The following NKAIN3 variants were observed in gnomAD, a reference collection of about 807,000 sequenced individuals.
The protein encoded by NKAIN3 is sodium/potassium transporting ATPase interacting 3.
Under a neutral mutation model 30.2 loss-of-function variants are expected in NKAIN3, and 25 were observed. That is an observed-to-expected ratio of 0.83 (90% CI 0.60 to 1.16). The LOEUF (loss-of-function observed/expected upper bound fraction) is 1.16. NKAIN3 is among the 50% of genes most tolerant of loss of function. The probability of loss-of-function intolerance (pLI) is 0.00; values close to 1 mark genes in which losing one functional copy is unlikely to be tolerated. For missense variants in NKAIN3, 225 were observed against 254.1 expected (o/e 0.89, Z 0.78); for synonymous variants, 91 against 89.6 (o/e 1.02, Z -0.09).
intron 1 of NKAIN3, among the ~76,000 whole-genome samples, chr8:62,287,420 T>C (rs1194987466): frequency 6.6e-6 from 1 of 152,056 alleles, no homozygotes; most frequent in Non-Finnish European, 1.5e-5. Flanking sequence ...CACAACAATC[T>C]CTGAGCTTCA....
rs539177247 is a variant in NKAIN3 at position 62,335,335 on chromosome 8, A to G, written c.54+86208A>G. Among the ~76,000 whole-genome samples, 6 of 150,832 alleles carry G rather than the reference A, an allele frequency of 4.0e-5. No individual in the cohort carries two copies. The East Asian group carries it at 1.2e-3, about 30-fold the overall frequency. On this transcript the variant is annotated intron_variant, in intron 1 of 6. Coordinates refer to ENST00000623646, the MANE Select transcript of NKAIN3 (RefSeq NM_001304533.3). ...CAGCTACTTGGGAGGCTGAGATGAG[A>G]GAACTGCTTGAACTCGGGAGGTGGA...
chr8:62,584,404 G>A (rs369832603), intron 2 of NKAIN3, among the ~76,000 whole-genome samples: 1 of 152,152 alleles, frequency 6.6e-6, no homozygotes, highest in Non-Finnish European at 1.5e-5. Context: ...CAAGAGACAG[G>A]GTTCATCACA....
intron 1 of NKAIN3, among the ~76,000 whole-genome samples, chr8:62,542,260 T>C (rs1808868220): frequency 6.6e-6 from 1 of 152,202 alleles, no homozygotes. Flanking sequence ...TTGCCTACTC[T>C]AAATTCTTTC....
intron 1 of NKAIN3, among the ~76,000 whole-genome samples, chr8:62,377,188 C>A (rs2129593710): frequency 6.6e-6 from 1 of 152,194 alleles, no homozygotes; most frequent in African/African-American, 2.4e-5. Flanking sequence ...ATGTTGATTG[C>A]TCAAAATTAT....
At chr8:62,805,590 G>C (rs1818248725) in intron 4 of NKAIN3, among the ~76,000 whole-genome samples, 2 of 152,094 alleles carry the variant, frequency 1.3e-5, no homozygotes, top group South Asian at 2.1e-4. Context: ...GGGAAAACTG[G>C]CTAGCCATAT....
intron 1 of NKAIN3, among the ~76,000 whole-genome samples, chr8:62,415,243 T>C (rs957100336): frequency 7.0e-6 from 1 of 143,136 alleles, no homozygotes; most frequent in African/African-American, 2.6e-5. Flanking sequence ...TATAGTATAT[T>C]ATATATAATA....
intron 3 of NKAIN3, among the ~76,000 whole-genome samples, chr8:62,710,387 A>C (rs1814675963): frequency 6.6e-6 from 1 of 152,146 alleles, no homozygotes; most frequent in South Asian, 2.1e-4. Context: ...ATTGTTTTAC[A>C]AATTTGGGAA....
At chr8:62,838,283 TTCA>T (rs1448953130) in intron 4 of NKAIN3, among the ~76,000 whole-genome samples, 1 of 151,770 alleles carries the variant, frequency 6.6e-6, no homozygotes, top group Non-Finnish European at 1.5e-5. Context: ...TCTAATTATT[TTCA>T]TCATCAGAGG....
intron 4 of NKAIN3, among the ~76,000 whole-genome samples, chr8:62,851,324 T>C (rs1404028764): frequency 1.3e-5 from 2 of 152,218 alleles, no homozygotes; most frequent in African/African-American, 4.8e-5. Context: ...GAGACTTTGC[T>C]GAAGTTGCCT....
intron 1 of NKAIN3, among the ~76,000 whole-genome samples, chr8:62,433,676 C>T (rs779865230): frequency 5.3e-5 from 8 of 151,874 alleles, no homozygotes; most frequent in Admixed American, 2.0e-4. Context: ...AGGTTTTTGC[C>T]GTTGCTTTTA....
chr8:62,960,268 C>T lies in NKAIN3; in HGVS notation c.604-5086C>T, dbSNP rs1823533492. 2.6e-5 allele frequency among the ~76,000 whole-genome samples: 4 copies of T among 152,282 alleles called. No homozygotes were observed. In the South Asian group the frequency reaches 8.3e-4, roughly 32 times the overall value. ...GTCACGTGTCAAAGGAAACACAGATCATTTCCTTTGACATGTGACTTCACT... is the reference window on the plus strand; with the variant it reads ...GTCACGTGTCAAAGGAAACACAGATTATTTCCTTTGACATGTGACTTCACT... On this transcript the variant is annotated intron_variant, in intron 6 of 6. Coordinates refer to ENST00000623646, the MANE Select transcript of NKAIN3 (RefSeq NM_001304533.3).
At chr8:62,337,769 CCTTT>C (rs1020035062) in intron 1 of NKAIN3, among the ~76,000 whole-genome samples, 2 of 151,930 alleles carry the variant, frequency 1.3e-5, no homozygotes, top group Admixed American at 1.3e-4. Flanking sequence ...TGGTTATATT[CCTTT>C]CTTTCTATTA....
intron 1 of NKAIN3, among the ~76,000 whole-genome samples, chr8:62,315,203 A>G (rs779041241): frequency 6.6e-6 from 1 of 152,212 alleles, no homozygotes; most frequent in Non-Finnish European, 1.5e-5. Flanking sequence ...AAGCGACTAC[A>G]AAGGAAAATC....
At chr8:62,917,708 TTGA>T (rs1295551381) in intron 4 of NKAIN3, among the ~76,000 whole-genome samples, 1 of 152,208 alleles carries the variant, frequency 6.6e-6, no homozygotes, top group East Asian at 1.9e-4. Context: ...TTCATACCTA[TTGA>T]AGTGCTTATA....
chr8:62,785,571 G>T (rs960438147), intron 4 of NKAIN3, among the ~76,000 whole-genome samples: 7 of 152,032 alleles, frequency 4.6e-5, no homozygotes, highest in African/African-American at 9.7e-5. Context: ...ACTTTAAATG[G>T]GTGAATTGTA....
chr8:62,642,202 T>C (rs770797188), intron 3 of NKAIN3, among the ~76,000 whole-genome samples: 3 of 152,096 alleles, frequency 2.0e-5, no homozygotes, highest in Non-Finnish European at 4.4e-5. Flanking sequence ...ATTATTGAAA[T>C]AGAAACCAGT....
At chr8:62,705,260 C>G (rs767053918) in intron 3 of NKAIN3, among the ~76,000 whole-genome samples, 1 of 152,142 alleles carries the variant, frequency 6.6e-6, no homozygotes, top group African/African-American at 2.4e-5. Flanking sequence ...CATTTTTCAA[C>G]TAAATTATCG....
intron 1 of NKAIN3, among the ~76,000 whole-genome samples, chr8:62,392,964 T>C (rs1413967446): frequency 6.6e-6 from 1 of 151,980 alleles, no homozygotes; most frequent in Non-Finnish European, 1.5e-5. Context: ...TGTGCAGAAG[T>C]GTTGGTTTAT....
chr8:62,553,301 C>A (rs1159964715), intron 1 of NKAIN3, among the ~76,000 whole-genome samples: 2 of 152,090 alleles, frequency 1.3e-5, no homozygotes, highest in Admixed American at 6.5e-5. Context: ...ATTACAAATT[C>A]TCTCAAAAAG....
Sources: gnomAD v4.1 joint callset for allele counts (sites outside exome capture counted in the v4.1 genomes callset) on GRCh38, gnomAD v4.1.1 for gene constraint, MANE v1.5 for transcripts, NCBI Gene and HGNC (gene_info 2026-07-23, HGNC 2026-07-21) for gene names.